The following LSM14A variants were observed in gnomAD, a reference collection of about 807,000 sequenced individuals.
LSM14A encodes the protein protein LSM14 homolog A.
Under a neutral mutation model 52.4 loss-of-function variants are expected in LSM14A, and 14 were observed. The ratio of observed to expected loss-of-function variants is 0.27; its 90% CI spans 0.18 to 0.42. The LOEUF (loss-of-function observed/expected upper bound fraction) is 0.42. Among genes scored for constraint, LSM14A ranks in the 10% least tolerant of loss-of-function variants. The probability of loss-of-function intolerance (pLI) is 1.00; values close to 1 mark genes in which losing one functional copy is unlikely to be tolerated. For missense variants in LSM14A, 417 were observed against 581.8 expected, an observed-to-expected ratio of 0.72 and a Z score of 2.91; for synonymous variants, 185 against 200.3, an observed-to-expected ratio of 0.92 and a Z score of 0.64.
chr19:34,192,319 G>GTTTTGTTTTTTTT (rs2070455700), intron 1 of LSM14A, among the ~76,000 whole-genome samples: 1 of 53,410 alleles, frequency 1.9e-5, no homozygotes, highest in Non-Finnish European at 3.3e-5. Context: ...TCTTTTTGTT[G>GTTTTGTTTTTTTT]TTTTTTTTTT....
At position 34,221,594 on chromosome 19, in the gene LSM14A, A is replaced by G. The variant is rs2073066601; in HGVS notation, c.1224A>G (p.Gly408=). The G allele has an allele frequency of 6.2e-7, 1 of 1,614,108 alleles. No homozygotes were observed. The highest frequency in any genetic ancestry group is 2.2e-5 in the East Asian group (1 of 44,880). The change falls in exon 9 of 10, where the codon GGA becomes GGG. Residue 408 remains glycine, a synonymous_variant. Coordinates refer to ENST00000544216, the MANE Select transcript of LSM14A (RefSeq NM_015578.4). Reference sequence around the variant, plus strand: ...TTCGTCCAAACCGTGGCCGTGGGGGATACAGAGGCAGAGGAGGTCTTGGTT... The same window carrying G: ...TTCGTCCAAACCGTGGCCGTGGGGGGTACAGAGGCAGAGGAGGTCTTGGTT... ...IPLRPNRGRG[G]YRGRGGLGFR... is the part of the protein sequence containing the mutation.
At chr19:34,218,242 G>T (rs947541174) in intron 6 of LSM14A, among the ~76,000 whole-genome samples, 4 of 152,090 alleles carry the variant, frequency 2.6e-5, no homozygotes, top group Admixed American at 6.5e-5. Flanking sequence ...CTGACCTCGT[G>T]ATCCGCCCGC....
At chr19:34,182,841 CAAA>C (rs34045024) in intron 1 of LSM14A, among the ~76,000 whole-genome samples, 4 of 122,404 alleles carry the variant, frequency 3.3e-5, no homozygotes, top group African/African-American at 9.3e-5. Context: ...GACTCCATCT[CAAA>C]AAAAAAAAAA....
At chr19:34,197,431 CTTTTTTTTT>C (rs531343486) in intron 3 of LSM14A, among the ~76,000 whole-genome samples, 3 of 63,306 alleles carry the variant, frequency 4.7e-5, no homozygotes, top group African/African-American at 1.3e-4. Flanking sequence ...ATTTCTTTTT[CTTTTTTTTT>C]TTTTTTTTTT....
intron 8 of LSM14A, among the ~76,000 whole-genome samples, chr19:34,220,286 T>C (rs1330853234): frequency 6.6e-6 from 1 of 152,184 alleles, no homozygotes; most frequent in Non-Finnish European, 1.5e-5. Context: ...TTTTATTTGC[T>C]AAAAGAAAAT....
chr19:34,224,303 C>T (rs2073227260), intron 9 of LSM14A, among the ~76,000 whole-genome samples: 2 of 152,186 alleles, frequency 1.3e-5, no homozygotes, highest in Admixed American at 6.5e-5. Flanking sequence ...TGTACTCCAG[C>T]CTGGGCGACA....
chr19:34,192,191 T>TC (rs1468215578), intron 1 of LSM14A, among the ~76,000 whole-genome samples: 2 of 152,100 alleles, frequency 1.3e-5, no homozygotes, highest in African/African-American at 4.8e-5. Context: ...TTCCTTTAGT[T>TC]TTAGGGAAGG....
chr19:34,206,772 C>T (rs1196487483), intron 3 of LSM14A, among the ~76,000 whole-genome samples: 2 of 152,098 alleles, frequency 1.3e-5, no homozygotes, highest in South Asian at 2.1e-4. Flanking sequence ...GTGACTGGAT[C>T]GTTACAAGAA....
chr19:34,212,712 T>C (rs1439629297), intron 4 of LSM14A, among the ~76,000 whole-genome samples: 1 of 152,230 alleles, frequency 6.6e-6, no homozygotes, highest in Non-Finnish European at 1.5e-5. Flanking sequence ...TTCCTAATAA[T>C]GTATCCAGTA....
At chr19:34,192,632 C>CAAAAAAAAAAAAAAAAAAAAAAA (rs548374017) in intron 1 of LSM14A, among the ~76,000 whole-genome samples, 5 of 76,952 alleles carry the variant, frequency 6.5e-5, no homozygotes, top group Non-Finnish European at 1.2e-4. Context: ...ATCAGTTCTG[C>CAAAAAAAAAAAAAAAAAAAAAAA]AAAAAAAAAA....
intron 3 of LSM14A, among the ~76,000 whole-genome samples, chr19:34,202,224 G>A (rs1490723552): frequency 6.7e-6 from 1 of 148,744 alleles, no homozygotes; most frequent in African/African-American, 2.5e-5. Context: ...CTGCTGCCCA[G>A]CCTGGAGTAC....
intron 3 of LSM14A, among the ~76,000 whole-genome samples, chr19:34,201,796 G>A (rs942275556): frequency 1.3e-5 from 2 of 152,012 alleles, no homozygotes; most frequent in Non-Finnish European, 2.9e-5. Flanking sequence ...TTACGTTTTC[G>A]TGTGTTATTA....
chr19:34,175,333 C>G (rs1250456907), intron 1 of LSM14A, among the ~76,000 whole-genome samples: 1 of 152,028 alleles, frequency 6.6e-6, no homozygotes, highest in Non-Finnish European at 1.5e-5. Flanking sequence ...CAAGTTCAAG[C>G]AATTCTCCTG....
intron 9 of LSM14A, among the ~76,000 whole-genome samples, chr19:34,223,559 C>T (rs71351753): frequency 2.0e-5 from 3 of 152,188 alleles, no homozygotes; most frequent in Admixed American, 2.0e-4. Flanking sequence ...TGGTATACTG[C>T]CCAGGCACTA....
chr19:34,189,944 T>A (rs1313310071), intron 1 of LSM14A, among the ~76,000 whole-genome samples: 1 of 152,218 alleles, frequency 6.6e-6, no homozygotes, highest in Non-Finnish European at 1.5e-5. Context: ...ATTTAACTGT[T>A]GTTACCTGCA....
chr19:34,221,127 G>T (rs1308933756), intron 8 of LSM14A, among the ~76,000 whole-genome samples: 1 of 139,404 alleles, frequency 7.2e-6, no homozygotes, highest in Non-Finnish European at 1.5e-5. Flanking sequence ...TTGTCACCCA[G>T]ACTGTAGTGC....
At position 34,219,838 on chromosome 19, in the gene LSM14A, C is replaced by T; in HGVS notation, c.1097C>T (p.Thr366Ile). The T allele has an allele frequency of 6.2e-7, 1 of 1,612,494 alleles. No individual in the cohort carries two copies. Among genetic ancestry groups the T allele is most frequent in the Non-Finnish European group, 8.5e-7 (1 of 1,178,856 alleles). Residue 366 changes from threonine to isoleucine, a missense_variant, in exon 8 of 10, where the codon ACT becomes ATT. Physicochemically the swap from Thr to Ile is moderately conservative, Grantham distance 89 (BLOSUM62 -1). This residue lies in a region of LSM14A where 357 missense variants were observed against 457.0 expected (regional missense o/e 0.78). Transcript: ENST00000544216. ...GGACCTAATTGCTATTATGACAAAACTAAATCCTTCTTTGATAATATTTCT... is the reference window on the plus strand; with the variant it reads ...GGACCTAATTGCTATTATGACAAAATTAAATCCTTCTTTGATAATATTTCT... ...PLGPNCYYDK[T>I]KSFFDNISCD...
At chr19:34,183,323 C>T (rs942811891) in intron 1 of LSM14A, among the ~76,000 whole-genome samples, 13 of 152,050 alleles carry the variant, frequency 8.5e-5, no homozygotes, top group African/African-American at 7.2e-5. Context: ...GAGGCCGAGG[C>T]GGGCGGATTA....
At chr19:34,186,634 G>T (rs565651369) in intron 1 of LSM14A, among the ~76,000 whole-genome samples, 2 of 152,260 alleles carry the variant, frequency 1.3e-5, no homozygotes, top group South Asian at 2.1e-4. Context: ...TTTAGGATAG[G>T]GGGAGAGAGA....
Sources: gnomAD v4.1 joint callset for allele counts (sites outside exome capture counted in the v4.1 genomes callset) on GRCh38, gnomAD v4.1.1 for gene constraint, gnomAD v4.1.1 regional missense constraint, MANE v1.5 for transcripts, NCBI Gene and HGNC (gene_info 2026-07-23, HGNC 2026-07-21) for gene names.